Variants in SEMA5B observed in about 807,000 individuals in gnomAD.
SEMA5B encodes semaphorin-5B.
In SEMA5B, 66 loss-of-function variants were observed where a neutral mutation model predicts 135.0. The ratio of observed to expected loss-of-function variants is 0.49; its 90% CI spans 0.40 to 0.60. SEMA5B has a LOEUF of 0.60. Ranked by LOEUF, SEMA5B falls within the 20% of genes least tolerant of loss-of-function variation. SEMA5B has a pLI of 0.00. For missense variants in SEMA5B, 1,501 were observed against 1,566.3 expected (o/e 0.96, Z 0.70); for synonymous variants, 690 against 639.5 (o/e 1.08, Z -1.19).
At position 122,912,354 on chromosome 3, in the gene SEMA5B, C is replaced by G. The variant is rs189492786; in HGVS notation, c.2726-12G>C. On this transcript the variant is annotated splice_polypyrimidine_tract_variant and intron_variant, in intron 18 of 22. Transcript: ENST00000357599. ...CCAAGCACCCCGAACTGCAAGGGGACGGGGTGTGTGAGGGGCTGTAGGGGC... is the reference window on the plus strand; with the variant it reads ...CCAAGCACCCCGAACTGCAAGGGGAGGGGGTGTGTGAGGGGCTGTAGGGGC... 652 of 1,575,270 alleles carry G rather than the reference C, an allele frequency of 4.1e-4. 1 individual carries two copies. In the African/African-American group the frequency reaches 7.5e-3, roughly 18 times the overall value.
At chr3:122,942,990 A>C (rs1939624179) in intron 4 of SEMA5B, among the ~76,000 whole-genome samples, 1 of 152,220 alleles carries the variant, frequency 6.6e-6, no homozygotes, top group Non-Finnish European at 1.5e-5. Flanking sequence ...GGTCAGGCCA[A>C]AGGTAGGTGA....
intron 5 of SEMA5B, among the ~76,000 whole-genome samples, chr3:122,936,440 T>C (rs1939290017): frequency 6.6e-6 from 1 of 152,166 alleles, no homozygotes. Context: ...GGAAGAGAGC[T>C]CAGGCATTGC....
At chr3:122,964,308 G>A (rs1032505508) in intron 1 of SEMA5B, among the ~76,000 whole-genome samples, 1 of 152,166 alleles carries the variant, frequency 6.6e-6, no homozygotes, top group Non-Finnish European at 1.5e-5. Flanking sequence ...GGTGACATGT[G>A]ACATATGAGC....
chr3:123,015,069 G>C (rs1367237704), intron 1 of SEMA5B, among the ~76,000 whole-genome samples: 1 of 152,164 alleles, frequency 6.6e-6, no homozygotes, highest in African/African-American at 2.4e-5. Flanking sequence ...AAACACCAAA[G>C]AATGCCAGCA....
chr3:122,996,909 G>T (rs533771543), intron 1 of SEMA5B, among the ~76,000 whole-genome samples: 2 of 152,166 alleles, frequency 1.3e-5, no homozygotes, highest in Admixed American at 6.5e-5. Context: ...CCTGGAAGGG[G>T]TGCAAACAGC....
intron 1 of SEMA5B, among the ~76,000 whole-genome samples, chr3:122,977,232 G>C (rs940511721): frequency 6.6e-6 from 1 of 152,174 alleles, no homozygotes; most frequent in Non-Finnish European, 1.5e-5. Context: ...ATTTGAGAAA[G>C]CCCTTTGTAA....
intron 1 of SEMA5B, among the ~76,000 whole-genome samples, chr3:123,018,574 A>G (rs1942611069): frequency 6.6e-6 from 1 of 152,166 alleles, no homozygotes; most frequent in Admixed American, 6.5e-5. Flanking sequence ...GGGACCCCAC[A>G]TTTCTCTTAG....
In SEMA5B at chr3:122,913,183, G is replaced by A; in HGVS notation, c.2506+16C>T. The stretch of plus-strand genomic sequence containing the variant: ...GGCTGGGAGAGAGGAAGGAGGGGGC[G>A]CCGGGCGCGGGGTACCGTCGGTGTC... On this transcript the variant is annotated intron_variant, in intron 17 of 22. Coordinates refer to ENST00000357599, the MANE Select transcript of SEMA5B (RefSeq NM_001031702.4). 6.5e-7 allele frequency: 1 copy of A among 1,541,798 alleles called. No individual in the cohort carries two copies. Among genetic ancestry groups the A allele is most frequent in the South Asian group, 1.2e-5 (1 of 82,920 alleles).
chr3:123,010,664 G>A (rs1316941706), intron 1 of SEMA5B, among the ~76,000 whole-genome samples: 1 of 151,974 alleles, frequency 6.6e-6, no homozygotes, highest in Non-Finnish European at 1.5e-5. Context: ...CAAAAAATTA[G>A]CTGGGCATGG....
chr3:123,010,683 G>A (rs1043867013), intron 1 of SEMA5B, among the ~76,000 whole-genome samples: 22 of 151,940 alleles, frequency 1.4e-4, no homozygotes, highest in South Asian at 4.2e-4. Flanking sequence ...GGTGGCATGC[G>A]CCTGTAGTCC....
At chr3:122,976,237 G>A in intron 1 of SEMA5B, 2 of 1,355,480 alleles carry the variant, frequency 1.5e-6, no homozygotes, top group Non-Finnish European at 2.0e-6. Context: ...CTGGGAACTT[G>A]TTTAAAATGC....
At chr3:123,022,972 G>A (rs1445245491) in intron 1 of SEMA5B, among the ~76,000 whole-genome samples, 1 of 152,232 alleles carries the variant, frequency 6.6e-6, no homozygotes, top group Non-Finnish European at 1.5e-5. Context: ...CTGAAATAGA[G>A]AATGGCATAC....
intron 9 of SEMA5B, among the ~76,000 whole-genome samples, chr3:122,924,108 G>T (rs1297998739): frequency 1.3e-5 from 2 of 152,092 alleles, no homozygotes; most frequent in Admixed American, 1.3e-4. Context: ...CATCCATAAA[G>T]AAGTTTTATG....
chr3:123,010,176 C>T (rs767207776), intron 1 of SEMA5B, among the ~76,000 whole-genome samples: 2 of 152,126 alleles, frequency 1.3e-5, no homozygotes, highest in Non-Finnish European at 2.9e-5. Flanking sequence ...AGGGCCAGGT[C>T]CTGACACCCC....
At chr3:123,011,647 G>A (rs1314834201) in intron 1 of SEMA5B, among the ~76,000 whole-genome samples, 2 of 152,144 alleles carry the variant, frequency 1.3e-5, no homozygotes, top group Non-Finnish European at 2.9e-5. Flanking sequence ...CTGCATCCTG[G>A]GAGCTCAGAA....
At chr3:122,993,793 C>T (rs1045315953) in intron 1 of SEMA5B, among the ~76,000 whole-genome samples, 8 of 151,902 alleles carry the variant, frequency 5.3e-5, no homozygotes, top group Non-Finnish European at 8.8e-5. Context: ...CTCCTGCCTC[C>T]CCCACAGCTG....
chr3:122,986,847 G>A (rs1313125629), intron 1 of SEMA5B, among the ~76,000 whole-genome samples: 1 of 152,174 alleles, frequency 6.6e-6, no homozygotes, highest in African/African-American at 2.4e-5. Flanking sequence ...CCCAAACTTT[G>A]CTGCACTTTC....
intron 1 of SEMA5B, among the ~76,000 whole-genome samples, chr3:122,966,598 A>G (rs1940842910): frequency 6.7e-6 from 1 of 149,852 alleles, no homozygotes; most frequent in African/African-American, 2.5e-5. Context: ...TCTATCACCC[A>G]GGCTGGAGTG....
rs564897532 is a variant in SEMA5B, at chr3:122,965,118, A to G, written c.-38-3817T>C. On this transcript the variant is annotated intron_variant, in intron 1 of 22. Coordinates refer to ENST00000357599, the MANE Select transcript of SEMA5B (RefSeq NM_001031702.4). ...ATCTAAGGACAGACTAGGAAGAAGC[A>G]GCTTGACGTTTCAGTGGTAGGGACT... Among the ~76,000 whole-genome samples, 10 of 152,344 alleles carry G rather than the reference A, an allele frequency of 6.6e-5. No individual in the cohort carries two copies. The East Asian group carries it at 1.9e-3, about 29-fold the overall frequency.
Sources: allele counts gnomAD v4.1 joint callset (sites outside exome capture counted in the v4.1 genomes callset), GRCh38; gene constraint gnomAD v4.1.1; transcripts MANE v1.5; gene names NCBI Gene and HGNC (gene_info 2026-07-23, HGNC 2026-07-21).